The following FASTKD5 variants were observed in gnomAD, a reference collection of about 807,000 sequenced individuals.
FASTKD5 encodes the protein non-canonical pre-mRNAs endonuclease FASTKD5, mitochondrial.
Under a neutral mutation model 44.0 loss-of-function variants are expected in FASTKD5, and 30 were observed. That is an observed-to-expected ratio of 0.68 (90% CI 0.51 to 0.93). The LOEUF is 0.93. FASTKD5 is among the 40% of genes least tolerant of loss of function. FASTKD5 has a pLI of 0.00. For missense variants in FASTKD5, 868 were observed against 908.2 expected (o/e 0.96, Z 0.57); for synonymous variants, 335 against 342.2 (o/e 0.98, Z 0.23).
rs895158130 is a variant in FASTKD5 at position 3,149,974 on chromosome 20, G to A, written c.-190-714C>T. The stretch of plus-strand genomic sequence containing the variant: ...GCAGAGGTTGCGGTGAGCCAAGACC[G>A]TGCCACTGCACTCCAGCCTAGGCGA... On this transcript the variant is annotated intron_variant, in intron 1 of 1. Transcript: ENST00000380266. The surrounding 1 kb of genome is among the most constrained non-coding windows in gnomAD (Gnocchi z 4.1). Among the ~76,000 whole-genome samples the A allele has an allele frequency of 2.0e-5, 3 of 150,486 alleles. No individual in the cohort carries two copies. The highest frequency in any genetic ancestry group is 2.1e-4 in the South Asian group (1 of 4,770).
intron 1 of FASTKD5, among the ~76,000 whole-genome samples, chr20:3,154,867 G>C (rs1211807429): frequency 6.6e-6 from 1 of 151,638 alleles, no homozygotes; most frequent in African/African-American, 2.4e-5. Flanking sequence ...TGATACAAGA[G>C]ACCTAGAGCC....
In FASTKD5 at chr20:3,148,109, A is replaced by G. The variant is rs892772677; in HGVS notation, c.962T>C (p.Ile321Thr). ...DLINLEEVGT[I>T]CLGFFKSSTN... ...ACTTGATTTAAAGAACCCCAAACAGATGGTACCAACCTCCTCCAAATTGAT... is the reference window on the plus strand; with the variant it reads ...ACTTGATTTAAAGAACCCCAAACAGGTGGTACCAACCTCCTCCAAATTGAT... The change falls in exon 2 of 2, where the codon ATC becomes ACC. Residue 321 changes from isoleucine (I) to threonine (T), a missense_variant. Transcript: ENST00000380266. 2 of 1,613,984 alleles carry G rather than the reference A, an allele frequency of 1.2e-6. No homozygotes were observed. Among genetic ancestry groups the G allele is most frequent in the African/African-American group, 2.7e-5 (2 of 74,926 alleles).
At chr20:3,154,609 A>G (rs1381711607) in intron 1 of FASTKD5, among the ~76,000 whole-genome samples, 2 of 152,126 alleles carry the variant, frequency 1.3e-5, no homozygotes, top group African/African-American at 2.4e-5. Flanking sequence ...CTTGAGCCCA[A>G]AAAGTTAAGG....
Position 3,149,016 on chromosome 20 carries a change from G to C in FASTKD5, c.55C>G (p.Pro19Ala), listed in dbSNP as rs1292225122. The C allele has an allele frequency of 1.2e-6, 2 of 1,613,964 alleles. No individual in the cohort carries two copies. Among genetic ancestry groups the C allele is most frequent in the Non-Finnish European group, 1.7e-6 (2 of 1,179,942 alleles). The change falls in exon 2 of 2, where the codon CCT becomes GCT. Residue 19 changes from proline (P) to alanine (A), a missense_variant. Physicochemically the swap from Pro to Ala is conservative, Grantham distance 27 (BLOSUM62 -1). Coordinates refer to ENST00000380266, the MANE Select transcript of FASTKD5 (RefSeq NM_021826.5). This position sits in a 1 kb window ranked among gnomAD's most constrained non-coding sequence, Gnocchi z 4.1. ...CTTCGGACTGCACCAAAGGCAGAAG[G>C]ACTGCAAAATGCTCGGTATCTTACA... ...KLVRYRAFCS[P>A]SAFGAVRSVS...
intron 1 of FASTKD5, chr20:3,151,836 G>A (rs947736564): frequency 9.9e-5 from 15 of 151,994 alleles, no homozygotes; most frequent in African/African-American, 3.6e-4. Context: ...CAGGCGTGGT[G>A]GCTCATGCCT....
chr20:3,149,099 G>T lies in FASTKD5; in HGVS notation c.-29C>A. The T allele has an allele frequency of 2.5e-6, 4 of 1,582,602 alleles. No homozygotes were observed. The highest frequency in any genetic ancestry group is 3.4e-6 in the Non-Finnish European group (4 of 1,164,190). ...GGTGTCAGTATTGATCTCTTTGGCA[G>T]TCAGAATACAGTCCTCACAGATTTG... On this transcript the variant is annotated 5_prime_UTR_variant, in exon 2 of 2. The change creates a new upstream start codon in the 5' untranslated region. Transcript: ENST00000380266. This position sits in a 1 kb window ranked among gnomAD's most constrained non-coding sequence, Gnocchi z 4.1.
rs914336523 is a variant in FASTKD5 at position 3,149,084 on chromosome 20, T to C, written c.-14A>G. On this transcript the variant is annotated 5_prime_UTR_variant, in exon 2 of 2. Coordinates refer to ENST00000380266, the MANE Select transcript of FASTKD5 (RefSeq NM_021826.5). This position sits in a 1 kb window ranked among gnomAD's most constrained non-coding sequence, Gnocchi z 4.1. ...AGTAGCTGCCATTCTGGTGTCAGTA[T>C]TGATCTCTTTGGCAGTCAGAATACA... 4 of 1,596,236 alleles carry C rather than the reference T, an allele frequency of 2.5e-6. No homozygotes were observed. Among genetic ancestry groups the C allele is most frequent in the East Asian group, 2.2e-5 (1 of 44,762 alleles).
At chr20:3,154,617 A>G (rs2066665550) in intron 1 of FASTKD5, among the ~76,000 whole-genome samples, 1 of 152,184 alleles carries the variant, frequency 6.6e-6, no homozygotes, top group African/African-American at 2.4e-5. Context: ...CAAAAAGTTA[A>G]GGCTGCAGTG....
At position 3,147,975 on chromosome 20, in the gene FASTKD5, T is replaced by C. The variant is rs377573955; in HGVS notation, c.1096A>G (p.Thr366Ala). The stretch of plus-strand genomic sequence containing the variant: ...ATGAAATTGATGTGATCCACGTGAG[T>C]GAAACGGAACATTTTAACAATATTC... ...LVNIVKMFRF[T>A]HVDHINFMKQ... Residue 366 changes from threonine (T) to alanine (A), a missense_variant, in exon 2 of 2, where the codon ACT becomes GCT. Thr to Ala is a moderately conservative substitution (Grantham distance 58). Transcript: ENST00000380266. The C allele has an allele frequency of 6.2e-7, 1 of 1,614,124 alleles. No individual in the cohort carries two copies. The highest frequency in any genetic ancestry group is 1.3e-5 in the African/African-American group (1 of 75,016).
intron 1 of FASTKD5, chr20:3,152,003 G>T: frequency 6.6e-6 from 1 of 151,420 alleles, no homozygotes; most frequent in East Asian, 1.9e-4. Context: ...CACTCGGGGG[G>T]CTGGGGCACA....
rs2066597270 is a variant in FASTKD5, at chr20:3,148,949, T to C, written c.122A>G (p.Gln41Arg). The change falls in exon 2 of 2, where the codon CAG (glutamine) becomes CGG (arginine). Residue 41 changes from glutamine to arginine, a missense_variant. Physicochemically the swap from Gln to Arg is conservative, Grantham distance 43 (BLOSUM62 1). Coordinates refer to ENST00000380266, the MANE Select transcript of FASTKD5 (RefSeq NM_021826.5). ...GAGGCTAATGTGTTCTGGAGGGTCC[T>C]GTCCCCCATGCTGTGTGCTGCTCAC... ...WNVSSTQHGG[Q>R]DPPEHISLCH... 9 of 1,614,232 alleles carry C rather than the reference T, an allele frequency of 5.6e-6. No homozygotes were observed. Among genetic ancestry groups the C allele is most frequent in the Non-Finnish European group, 7.6e-6 (9 of 1,180,046 alleles).
chr20:3,152,100 C>CAAA (rs60655157), intron 1 of FASTKD5, among the ~76,000 whole-genome samples: 9 of 62,708 alleles, frequency 1.4e-4, no homozygotes, highest in East Asian at 4.7e-4. Flanking sequence ...GACTCTGTCT[C>CAAA]AAAAAAAAAA....
At chr20:3,156,151 CTCAG>C (rs796093399) in intron 1 of FASTKD5, among the ~76,000 whole-genome samples, 3 of 151,350 alleles carry the variant, frequency 2.0e-5, no homozygotes, top group African/African-American at 7.3e-5. Flanking sequence ...CTATGAGATG[CTCAG>C]TCAATTAACT....
intron 1 of FASTKD5, chr20:3,151,861 T>C (rs1282307917): frequency 1.3e-5 from 2 of 151,406 alleles, no homozygotes; most frequent in East Asian, 2.0e-4. Context: ...TTCCAGCACT[T>C]TGAGAGGCCA....
intron 1 of FASTKD5, among the ~76,000 whole-genome samples, chr20:3,158,046 G>C (rs1473819832): frequency 6.6e-6 from 1 of 151,856 alleles, no homozygotes; most frequent in Non-Finnish European, 1.5e-5. Flanking sequence ...GATCTCAAAC[G>C]ATCCTCCCAC....
chr20:3,153,845 A>G (rs2066657123), intron 1 of FASTKD5, among the ~76,000 whole-genome samples: 2 of 152,244 alleles, frequency 1.3e-5, no homozygotes, highest in African/African-American at 4.8e-5. Context: ...CTGACCAGTG[A>G]GCATTCCAAA....
In FASTKD5 at chr20:3,149,257, G is replaced by A. The variant is rs1435466087; in HGVS notation, c.-187C>T. 12 of 591,680 alleles carry A rather than the reference G, an allele frequency of 2.0e-5. No individual in the cohort carries two copies. The highest frequency in any genetic ancestry group is 1.7e-4 in the African/African-American group (9 of 53,564). 36.7% of individuals were successfully genotyped at this position (591,680 alleles called of 1,614,324 possible). On this transcript the variant is annotated 5_prime_UTR_variant, in exon 2 of 2. Coordinates refer to ENST00000380266, the MANE Select transcript of FASTKD5 (RefSeq NM_021826.5). The surrounding 1 kb of genome is among the most constrained non-coding windows in gnomAD (Gnocchi z 4.1). Reference sequence around the variant, plus strand: ...AATGACTGGGTCAGAATTGGTGCCAGATACTGAAAAAAGGGTAGATGAAGA... The same window carrying A: ...AATGACTGGGTCAGAATTGGTGCCAAATACTGAAAAAAGGGTAGATGAAGA...
intron 1 of FASTKD5, among the ~76,000 whole-genome samples, chr20:3,153,234 A>G (rs2066649612): frequency 6.6e-6 from 1 of 152,264 alleles, no homozygotes; most frequent in African/African-American, 2.4e-5. Context: ...ACCATCTCCT[A>G]GAACATCAAT....
In FASTKD5 at chr20:3,149,252, T is replaced by C. The variant is rs1351921941; in HGVS notation, c.-182A>G. 1 of 603,314 alleles carries C rather than the reference T, an allele frequency of 1.7e-6. No individual in the cohort carries two copies. The highest frequency in any genetic ancestry group is 2.9e-6 in the Non-Finnish European group (1 of 348,816). The allele number at this position is 603,314 out of a possible 1,614,324, so 37.4% of individuals were successfully genotyped here. On this transcript the variant is annotated 5_prime_UTR_variant, in exon 2 of 2. Coordinates refer to ENST00000380266, the MANE Select transcript of FASTKD5 (RefSeq NM_021826.5). The surrounding 1 kb of genome is among the most constrained non-coding windows in gnomAD (Gnocchi z 4.1). ...TCACAAATGACTGGGTCAGAATTGG[T>C]GCCAGATACTGAAAAAAGGGTAGAT...
Sources: allele counts gnomAD v4.1 joint callset (sites outside exome capture counted in the v4.1 genomes callset), GRCh38; gene constraint gnomAD v4.1.1; non-coding constraint Gnocchi (gnomAD v3.1); transcripts MANE v1.5; gene names NCBI Gene and HGNC (gene_info 2026-07-23, HGNC 2026-07-21).